The following PRUNE2 variants were observed in gnomAD, a reference collection of about 807,000 sequenced individuals.
PRUNE2 encodes protein prune homolog 2.
PRUNE2 carries 164 observed loss-of-function variants against 252.0 expected under a neutral mutation model. That is an observed-to-expected ratio of 0.65 (90% CI 0.57 to 0.74). The LOEUF is 0.74. Among genes scored for constraint, PRUNE2 ranks in the 30% least tolerant of loss-of-function variants. The probability of loss-of-function intolerance (pLI) is 0.00; values close to 1 mark genes in which losing one functional copy is unlikely to be tolerated. For missense variants in PRUNE2, 3,495 were observed against 3,711.0 expected (o/e 0.94, Z 1.51); for synonymous variants, 1,292 against 1,350.2 (o/e 0.96, Z 0.94).
In PRUNE2 at chr9:76,678,657, G is replaced by A. The variant is rs180815381; in HGVS notation, c.8277-23155C>T. On this transcript the variant is annotated intron_variant, in intron 9 of 18. Coordinates refer to ENST00000376718, the MANE Select transcript of PRUNE2 (RefSeq NM_015225.3). ...ATCCTGGCTAACACGGTGAAACCTC[G>A]CCTCTACTAAAAATACAAAAAATTA... is the stretch of plus-strand genomic sequence containing the variant. Among the ~76,000 whole-genome samples, 264 of 151,972 alleles carry A rather than the reference G, an allele frequency of 1.7e-3. 1 individual carries two copies. Among genetic ancestry groups the A allele is most frequent in the African/African-American group, 6.1e-3 (254 of 41,472 alleles).
At chr9:76,782,576 G>T (rs1298590570) in intron 6 of PRUNE2, 1 of 152,204 alleles carries the variant, frequency 6.6e-6, no homozygotes, top group African/African-American at 2.4e-5. Flanking sequence ...CCAGCCATAT[G>T]TTAAGTTCCA....
chr9:76,734,555 A>G (rs776218067), intron 6 of PRUNE2, among the ~76,000 whole-genome samples: 2 of 152,234 alleles, frequency 1.3e-5, no homozygotes, highest in Non-Finnish European at 2.9e-5. Flanking sequence ...ACAGGATTAA[A>G]TGAGATAGTT....
At position 76,707,451 on chromosome 9, in the gene PRUNE2, T is replaced by C. The variant is rs747915623; in HGVS notation, c.4823A>G (p.Asn1608Ser). 6.8e-6 allele frequency: 11 copies of C among 1,613,802 alleles called. No homozygotes were observed. The highest frequency in any genetic ancestry group is 6.7e-5 in the African/African-American group (5 of 74,896). The part of the protein sequence containing the change: ...KVKDLEKNRI[N>S]EFEKSFDRKT... ...GCGATCAAAGCTCTTTTCAAACTCATTTATTCTGTTTTTCTCTAAATCCTT... is the reference window on the plus strand; with the variant it reads ...GCGATCAAAGCTCTTTTCAAACTCACTTATTCTGTTTTTCTCTAAATCCTT... The change falls in exon 8 of 19, where the codon AAT becomes AGT. Residue 1608 changes from asparagine to serine, a missense_variant. Transcript: ENST00000376718.
intron 6 of PRUNE2, among the ~76,000 whole-genome samples, chr9:76,817,070 T>C (rs1000739204): frequency 1.3e-5 from 2 of 152,184 alleles, no homozygotes; most frequent in African/African-American, 4.8e-5. Context: ...AGCAAAGGTG[T>C]GAAGACTAAG....
chr9:76,819,992 A>G lies in PRUNE2; in HGVS notation c.756+3640T>C, dbSNP rs189060123. On this transcript the variant is annotated intron_variant, in intron 6 of 18. Coordinates refer to ENST00000376718, the MANE Select transcript of PRUNE2 (RefSeq NM_015225.3). ...CTGATGATCAAATCAACAAGCAACA[A>G]AAAGGCCACAAAGGATCAGGTGTAA... Among the ~76,000 whole-genome samples, 38 of 152,324 alleles carry G rather than the reference A, an allele frequency of 2.5e-4. No individual in the cohort carries two copies. The East Asian group carries it at 7.3e-3, about 29-fold the overall frequency.
At chr9:76,703,066 T>C (rs752502521) in intron 9 of PRUNE2, among the ~76,000 whole-genome samples, 1 of 151,784 alleles carries the variant, frequency 6.6e-6, no homozygotes, top group Non-Finnish European at 1.5e-5. Context: ...TGAAGAGTCA[T>C]GTAGGTATTC....
At chr9:76,877,365 G>C (rs1366583877) in intron 1 of PRUNE2, among the ~76,000 whole-genome samples, 3 of 152,010 alleles carry the variant, frequency 2.0e-5, no homozygotes, top group African/African-American at 7.2e-5. Context: ...AATTAGCCGG[G>C]TGTGGTGGCA....
chr9:76,815,000 T>C (rs564426789), intron 6 of PRUNE2, among the ~76,000 whole-genome samples: 2 of 152,196 alleles, frequency 1.3e-5, no homozygotes, highest in Admixed American at 6.5e-5. Context: ...CCCTGCAGCC[T>C]GTTGATGAAG....
intron 6 of PRUNE2, among the ~76,000 whole-genome samples, chr9:76,751,677 C>T (rs2050624494): frequency 1.3e-5 from 2 of 152,072 alleles, no homozygotes. Context: ...TGGAAAAAAA[C>T]CTCTCACCGA....
rs2046288845 is a variant in PRUNE2 at position 76,706,028 on chromosome 9, T to C, written c.6246A>G (p.Ala2082=). Reference sequence around the variant, plus strand: ...TCAGGATATCAGGATTCTCACCATCTGCTTTCAAACTGAAGGGCTTCTTAG... The same window carrying C: ...TCAGGATATCAGGATTCTCACCATCCGCTTTCAAACTGAAGGGCTTCTTAG... ...IDAKKPFSLK[A]DGENPDILTH... The change falls in exon 8 of 19, where the codon GCA becomes GCG. Residue 2082 remains alanine (A), a synonymous_variant. Transcript: ENST00000376718. 6.2e-7 allele frequency: 1 copy of C among 1,613,900 alleles called. No individual in the cohort carries two copies. The highest frequency in any genetic ancestry group is 1.3e-5 in the African/African-American group (1 of 74,940).
At chr9:76,704,663 C>A (rs373381943) in intron 8 of PRUNE2, 98 bp downstream of exon 8, 9 of 878,282 alleles carry the variant, frequency 1.0e-5, no homozygotes, top group Admixed American at 2.8e-5. Context: ...TTAGTTTTCT[C>A]TCTACCCTCA....
chr9:76,748,098 C>A (rs1029513250), intron 6 of PRUNE2, among the ~76,000 whole-genome samples: 3 of 152,036 alleles, frequency 2.0e-5, no homozygotes, highest in African/African-American at 7.2e-5. Flanking sequence ...GCCCGGCCCA[C>A]TTCTCTTATA....
At chr9:76,828,686 G>A (rs551287820) in intron 4 of PRUNE2, among the ~76,000 whole-genome samples, 16 of 152,268 alleles carry the variant, frequency 1.1e-4, no homozygotes, top group African/African-American at 3.6e-4. Context: ...ATACCCTGTG[G>A]TCTGTCAATC....
chr9:76,823,953 A>G (rs2058194705), intron 5 of PRUNE2, among the ~76,000 whole-genome samples: 1 of 152,300 alleles, frequency 6.6e-6, no homozygotes, highest in Non-Finnish European at 1.5e-5. Context: ...CTGCAAAAGA[A>G]GATGTGTTAA....
chr9:76,762,131 G>A (rs1162644677), intron 6 of PRUNE2, among the ~76,000 whole-genome samples: 1 of 152,182 alleles, frequency 6.6e-6, no homozygotes, highest in Non-Finnish European at 1.5e-5. Context: ...AGAATGGTTA[G>A]AACAAGGACC....
At chr9:76,747,917 T>A (rs1412024930) in intron 6 of PRUNE2, among the ~76,000 whole-genome samples, 2 of 152,032 alleles carry the variant, frequency 1.3e-5, no homozygotes, top group Non-Finnish European at 2.9e-5. Flanking sequence ...CGCCTCAGCC[T>A]CCTGAGTAGC....
chr9:76,829,852 T>C (rs531418314), intron 4 of PRUNE2, among the ~76,000 whole-genome samples: 12 of 152,150 alleles, frequency 7.9e-5, no homozygotes, highest in African/African-American at 2.6e-4. Context: ...TCTCATCATC[T>C]CCACATTTTT....
chr9:76,671,706 G>A (rs1067434), intron 9 of PRUNE2, among the ~76,000 whole-genome samples: 132,824 of 151,336 alleles, frequency 0.88, 60,205 homozygotes, highest in Non-Finnish European at 0.99. Flanking sequence ...CGGATCTCTC[G>A]GCAGAAACCC....
intron 6 of PRUNE2, chr9:76,760,146 C>T (rs1007815184): frequency 2.6e-5 from 4 of 152,274 alleles, no homozygotes; most frequent in East Asian, 1.9e-4. Flanking sequence ...AACAGGGCTG[C>T]CTTCCTCTTC....
Sources: allele counts gnomAD v4.1 joint callset (sites outside exome capture counted in the v4.1 genomes callset), GRCh38; gene constraint gnomAD v4.1.1; transcripts MANE v1.5; gene names NCBI Gene and HGNC (gene_info 2026-07-23, HGNC 2026-07-21).